Variants in CYBRD1 observed in about 807,000 individuals in gnomAD.
The protein encoded by CYBRD1 is plasma membrane ascorbate-dependent reductase CYBRD1.
CYBRD1 carries 14 observed loss-of-function variants against 21.9 expected under a neutral mutation model. The ratio of observed to expected loss-of-function variants is 0.64; its 90% CI spans 0.42 to 1.00. The LOEUF is 1.00. CYBRD1 is among the 50% of genes least tolerant of loss of function. The probability of loss-of-function intolerance (pLI) is 0.00; values close to 1 mark genes in which losing one functional copy is unlikely to be tolerated. For synonymous variants in CYBRD1, 146 were observed against 136.5 expected (o/e 1.07, Z -0.48); for missense variants, 328 against 352.5 (o/e 0.93, Z 0.56).
chr2:171,531,179 C>A (rs979885648), intron 1 of CYBRD1, among the ~76,000 whole-genome samples: 112 of 144,770 alleles, frequency 7.7e-4, no homozygotes, highest in African/African-American at 2.7e-3. Flanking sequence ...AAAAGAAAGA[C>A]TAGAAATCTT....
intron 1 of CYBRD1, chr2:171,539,824 G>T (rs1697602169): frequency 6.6e-6 from 1 of 151,870 alleles, no homozygotes; most frequent in African/African-American, 2.4e-5. Context: ...TGCCTCCCAG[G>T]TTCAAGCGAT....
intron 1 of CYBRD1, among the ~76,000 whole-genome samples, chr2:171,525,605 A>G (rs1480774521): frequency 6.6e-6 from 1 of 152,190 alleles, no homozygotes; most frequent in Non-Finnish European, 1.5e-5. Context: ...ATTTTAGGCT[A>G]TGAGATTTCA....
At chr2:171,544,101 T>C (rs1230030659) in intron 2 of CYBRD1, among the ~76,000 whole-genome samples, 3 of 152,250 alleles carry the variant, frequency 2.0e-5, no homozygotes, top group Non-Finnish European at 4.4e-5. Flanking sequence ...AAATCCTTGC[T>C]AAACTAGTTG....
chr2:171,536,016 G>A (rs185383391), intron 1 of CYBRD1, among the ~76,000 whole-genome samples: 1 of 152,006 alleles, frequency 6.6e-6, no homozygotes, highest in East Asian at 1.9e-4. Flanking sequence ...GAAGGGATGT[G>A]TGTTTATCAC....
chr2:171,530,741 G>A (rs1021810678), intron 1 of CYBRD1, among the ~76,000 whole-genome samples: 1 of 152,128 alleles, frequency 6.6e-6, no homozygotes, highest in South Asian at 2.1e-4. Flanking sequence ...AAAACATTGG[G>A]CTGATCAAAC....
intron 1 of CYBRD1, among the ~76,000 whole-genome samples, chr2:171,532,875 A>ATGTGTGTGTGTGTGTG (rs10618404): frequency 6.8e-6 from 1 of 147,300 alleles, no homozygotes; most frequent in Non-Finnish European, 1.5e-5. Context: ...CCATTTCACG[A>ATGTGTGTGTGTGTGTG]TGTGTGTGTG....
rs1043499696 is a variant in CYBRD1 at position 171,557,770 on chromosome 2, C to A, written c.*2943C>A. The A allele has an allele frequency of 6.6e-6, 1 of 152,124 alleles. No homozygotes were observed. The highest frequency in any genetic ancestry group is 1.5e-5 in the Non-Finnish European group (1 of 68,016). The allele number at this position is 152,124 out of a possible 1,614,324, so 9.4% of individuals were successfully genotyped here. On this transcript the variant is annotated 3_prime_UTR_variant, in exon 4 of 4. Coordinates refer to ENST00000321348, the MANE Select transcript of CYBRD1 (RefSeq NM_024843.4). ...TCTTTCCCCTGCTGAGTTGGAAATT[C>A]CAGTGCAGCACTGATTGACCACAGT... is the stretch of plus-strand genomic sequence containing the variant.
At chr2:171,535,342 T>C (rs1251108159) in intron 1 of CYBRD1, among the ~76,000 whole-genome samples, 1 of 152,218 alleles carries the variant, frequency 6.6e-6, no homozygotes, top group East Asian at 1.9e-4. Flanking sequence ...AAATGATCAA[T>C]AAAAGACTGA....
chr2:171,534,079 C>T (rs919160368), intron 1 of CYBRD1, among the ~76,000 whole-genome samples: 16 of 152,310 alleles, frequency 1.1e-4, no homozygotes, highest in African/African-American at 3.8e-4. Context: ...TAATTATACA[C>T]AGGTATTCAC....
chr2:171,547,862 T>C (rs1697739672), intron 2 of CYBRD1, among the ~76,000 whole-genome samples: 1 of 151,908 alleles, frequency 6.6e-6, no homozygotes, highest in African/African-American at 2.4e-5. Context: ...GTTGAACTGC[T>C]CATAATCATG....
In CYBRD1 at chr2:171,528,606, T is replaced by C. The variant is rs888622938; in HGVS notation, c.193+5868T>C. Reference sequence around the variant, plus strand: ...CACTCACTTCTTTGGTGGTCAATCTTATCCAGTCTCTTCTTCGCTTTAAGT... The same window carrying C: ...CACTCACTTCTTTGGTGGTCAATCTCATCCAGTCTCTTCTTCGCTTTAAGT... On this transcript the variant is annotated intron_variant, in intron 1 of 3. Transcript: ENST00000321348. Among the ~76,000 whole-genome samples the C allele has an allele frequency of 2.0e-5, 3 of 152,332 alleles. No individual in the cohort carries two copies. The East Asian group carries it at 5.8e-4, about 29-fold the overall frequency.
chr2:171,531,603 C>T (rs1052407262), intron 1 of CYBRD1, among the ~76,000 whole-genome samples: 5 of 152,090 alleles, frequency 3.3e-5, no homozygotes, highest in African/African-American at 7.2e-5. Context: ...ACCACCGCAC[C>T]GTCCCAGCTC....
chr2:171,533,169 C>T (rs949673992), intron 1 of CYBRD1, among the ~76,000 whole-genome samples: 2 of 151,814 alleles, frequency 1.3e-5, no homozygotes, highest in Admixed American at 6.6e-5. Context: ...GAGTTCGAGA[C>T]GAGCCTGGCC....
intron 1 of CYBRD1, among the ~76,000 whole-genome samples, chr2:171,525,423 T>C (rs1301624390): frequency 6.6e-6 from 1 of 152,182 alleles, no homozygotes; most frequent in African/African-American, 2.4e-5. Flanking sequence ...TCCCCAGTTC[T>C]TCCATATCTT....
intron 2 of CYBRD1, among the ~76,000 whole-genome samples, chr2:171,544,642 C>A (rs74783660): frequency 0.017 from 2,582 of 152,186 alleles, 142 homozygotes; most frequent in Admixed American, 0.1. Flanking sequence ...TCATTTTTTT[C>A]CAGATGGGTA....
intron 1 of CYBRD1, among the ~76,000 whole-genome samples, chr2:171,530,179 A>G (rs529523784): frequency 6.2e-4 from 94 of 152,362 alleles, no homozygotes; most frequent in Non-Finnish European, 1.2e-3. Context: ...CCTCAGGACC[A>G]TCCTGCTATT....
At chr2:171,537,815 T>C (rs547561336) in intron 1 of CYBRD1, among the ~76,000 whole-genome samples, 45 of 152,342 alleles carry the variant, frequency 3.0e-4, no homozygotes, top group South Asian at 1.9e-3. Context: ...AACAATAATA[T>C]GCTATATGCT....
intron 1 of CYBRD1, among the ~76,000 whole-genome samples, chr2:171,524,099 G>T (rs983590529): frequency 3.9e-5 from 6 of 152,148 alleles, no homozygotes; most frequent in African/African-American, 1.4e-4. Context: ...TGCAGCTTTG[G>T]CAAGTGTGGC....
chr2:171,553,369 TC>T lies in CYBRD1; in HGVS notation c.427del (p.Leu143CysfsTer28). On this transcript the variant is annotated frameshift_variant, in exon 3 of 4. Coordinates refer to ENST00000321348, the MANE Select transcript of CYBRD1 (RefSeq NM_024843.4). LOFTEE classifies it high-confidence loss of function. ...AGCTTCTTTCAGGTTTTTCAGTCTT[TC>T]TGCTTCCATGGGCTCCGCTTTCTCT... ...LQLLSGFSVF[L>X]LPWAPLSLRA... The T allele has an allele frequency of 1.2e-6, 2 of 1,613,690 alleles. No homozygotes were observed. Among genetic ancestry groups the T allele is most frequent in the Non-Finnish European group, 1.7e-6 (2 of 1,179,706 alleles).
Sources: allele counts gnomAD v4.1 joint callset (sites outside exome capture counted in the v4.1 genomes callset), GRCh38; gene constraint gnomAD v4.1.1; transcripts MANE v1.5; gene names NCBI Gene and HGNC (gene_info 2026-07-23, HGNC 2026-07-21).